The following ATP9A variants were observed in gnomAD, a reference collection of about 807,000 sequenced individuals.
The protein encoded by ATP9A is probable phospholipid-transporting ATPase IIA.
In ATP9A, 52 loss-of-function variants were observed where a neutral mutation model predicts 144.1. The observed-to-expected ratio is 0.36, with a 90% confidence interval of 0.29 to 0.45. The LOEUF (loss-of-function observed/expected upper bound fraction) is 0.45, where lower values mean the gene tolerates loss of function less well. Ranked by LOEUF, ATP9A falls within the 20% of genes least tolerant of loss-of-function variation. The probability of loss-of-function intolerance (pLI) is 1.00; values close to 1 mark genes in which losing one functional copy is unlikely to be tolerated. For synonymous variants in ATP9A, 582 were observed against 557.4 expected, an observed-to-expected ratio of 1.04 and a Z score of -0.62; for missense variants, 947 against 1,392.7, an observed-to-expected ratio of 0.68 and a Z score of 5.09.
intron 1 of ATP9A, among the ~76,000 whole-genome samples, chr20:51,758,358 C>T (rs1343526156): frequency 1.3e-5 from 2 of 152,174 alleles, no homozygotes; most frequent in East Asian, 1.9e-4. Context: ...CCTGAAGACA[C>T]GTCCCAACCC....
rs11325921 is a variant in ATP9A at position 51,685,017 on chromosome 20, T to TA, written c.799+4046dup. Among the ~76,000 whole-genome samples the TA allele has an allele frequency of 7.2e-3, 1,004 of 139,696 alleles. 18 individuals are homozygous for TA. The highest frequency in any genetic ancestry group is 0.047 in the Admixed American group (621 of 13,346). 91.6% of individuals were successfully genotyped at this position (139,696 alleles called of 152,430 possible). Reference sequence around the variant, plus strand: ...CTGAGCGAGACTCCATCTCCAAAAATAAAAAAAAAAAAAAAAAAAAAAATA... The same window carrying TA: ...CTGAGCGAGACTCCATCTCCAAAAATAAAAAAAAAAAAAAAAAAAAAAAATA... On this transcript the variant is annotated intron_variant, in intron 9 of 27. Transcript: ENST00000338821.
chr20:51,639,206 A>T, intron 15 of ATP9A, 137 bp downstream of exon 15: 1 of 975,218 alleles, frequency 1.0e-6, no homozygotes, highest in Non-Finnish European at 1.5e-6. Context: ...CTTTCTGCTT[A>T]GGGAATTATA....
At chr20:51,673,858 T>C (rs2077466348) in intron 11 of ATP9A, among the ~76,000 whole-genome samples, 1 of 152,068 alleles carries the variant, frequency 6.6e-6, no homozygotes, top group African/African-American at 2.4e-5. Context: ...AAGACAAGCC[T>C]GGCAAACATG....
At position 51,670,136 on chromosome 20, in the gene ATP9A, G is replaced by C. The variant is rs200370691; in HGVS notation, c.1181-27C>G. 1.9e-6 allele frequency: 3 copies of C among 1,546,126 alleles called. No individual in the cohort carries two copies. In the South Asian group the frequency reaches 3.3e-5, roughly 17 times the overall value. On this transcript the variant is annotated intron_variant, in intron 12 of 27. Coordinates refer to ENST00000338821, the MANE Select transcript of ATP9A (RefSeq NM_006045.3). The stretch of plus-strand genomic sequence containing the variant: ...TAAAACACAAGACAAATGAGTGGCC[G>C]GCCTGTCTCTCAGGATGTTTGTTAT...
intron 11 of ATP9A, 52 bp downstream of exon 11, chr20:51,674,101 T>G: frequency 6.4e-7 from 1 of 1,559,846 alleles, no homozygotes; most frequent in Non-Finnish European, 8.8e-7. Context: ...TTTGAATGAG[T>G]AAAGAGAAGA....
intron 14 of ATP9A, among the ~76,000 whole-genome samples, chr20:51,654,887 G>A (rs2426349): frequency 0.45 from 68,248 of 151,666 alleles, 16,754 homozygotes; most frequent in East Asian, 0.79. Flanking sequence ...GCTGGATCCC[G>A]GGAGTAAGTC....
chr20:51,726,322 A>G (rs1395968812), intron 2 of ATP9A, among the ~76,000 whole-genome samples: 3 of 132,376 alleles, frequency 2.3e-5, no homozygotes, highest in Non-Finnish European at 4.6e-5. Flanking sequence ...TCAAAAAAAA[A>G]AAAAAAAAAA....
intron 19 of ATP9A, among the ~76,000 whole-genome samples, chr20:51,621,082 G>C (rs1378391704): frequency 6.6e-6 from 1 of 150,708 alleles, no homozygotes; most frequent in Non-Finnish European, 1.5e-5. Context: ...AGGAGGCGGA[G>C]GTTGCAGTGA....
At chr20:51,733,736 C>T (rs374348506) in intron 1 of ATP9A, among the ~76,000 whole-genome samples, 23 of 151,332 alleles carry the variant, frequency 1.5e-4, no homozygotes, top group African/African-American at 5.3e-4. Flanking sequence ...TACAGTGGTA[C>T]AATCACAGCT....
intron 13 of ATP9A, among the ~76,000 whole-genome samples, chr20:51,661,707 G>A (rs2077411505): frequency 6.6e-6 from 1 of 151,906 alleles, no homozygotes; most frequent in African/African-American, 2.4e-5. Flanking sequence ...TTTCTGTTAT[G>A]ATAACCCTAA....
At chr20:51,667,147 G>A (rs1452507892) in intron 13 of ATP9A, among the ~76,000 whole-genome samples, 1 of 152,192 alleles carries the variant, frequency 6.6e-6, no homozygotes, top group Non-Finnish European at 1.5e-5. Context: ...TATGAGGTGA[G>A]GTTCACGGTA....
chr20:51,691,546 A>G (rs1308215134), intron 7 of ATP9A, among the ~76,000 whole-genome samples: 1 of 152,238 alleles, frequency 6.6e-6, no homozygotes, highest in African/African-American at 2.4e-5. Flanking sequence ...AAGAGCTGAA[A>G]AAAGTAAGAA....
intron 3 of ATP9A, among the ~76,000 whole-genome samples, chr20:51,721,104 AG>A (rs1162570568): frequency 6.6e-6 from 1 of 152,196 alleles, no homozygotes; most frequent in Non-Finnish European, 1.5e-5. Context: ...TCCTCTTCTC[AG>A]GGCAAGAGCT....
Position 51,674,372 on chromosome 20 carries a change from T to C in ATP9A, c.877-59A>G. 5 of 1,574,826 alleles carry C rather than the reference T, an allele frequency of 3.2e-6. No homozygotes were observed. In the Admixed American group the frequency reaches 6.9e-5, roughly 22 times the overall value. ...GAGCTGGTGTAACTAATCTCAAACCTAAACCAGGAGGTGGAGGCTGCAGTG... is the reference window on the plus strand; with the variant it reads ...GAGCTGGTGTAACTAATCTCAAACCCAAACCAGGAGGTGGAGGCTGCAGTG... On this transcript the variant is annotated intron_variant, in intron 10 of 27. Coordinates refer to ENST00000338821, the MANE Select transcript of ATP9A (RefSeq NM_006045.3).
chr20:51,664,445 A>G (rs1329112642), intron 13 of ATP9A, among the ~76,000 whole-genome samples: 1 of 151,852 alleles, frequency 6.6e-6, no homozygotes, highest in Non-Finnish European at 1.5e-5. Context: ...AAAATTAGCC[A>G]GGTATGGTGA....
chr20:51,720,823 G>A (rs1170283869), intron 3 of ATP9A, among the ~76,000 whole-genome samples: 15 of 152,178 alleles, frequency 9.9e-5, no homozygotes, highest in Admixed American at 7.2e-4. Flanking sequence ...GACACAGCGA[G>A]ACTCTGTCTC....
chr20:51,755,385 A>C (rs1428158680), intron 1 of ATP9A, among the ~76,000 whole-genome samples: 3 of 152,030 alleles, frequency 2.0e-5, no homozygotes, highest in Non-Finnish European at 4.4e-5. Flanking sequence ...CAGGGAGCCA[A>C]GAACGCGCCT....
intron 1 of ATP9A, among the ~76,000 whole-genome samples, chr20:51,750,974 G>T (rs965355834): frequency 9.2e-5 from 14 of 151,972 alleles, no homozygotes; most frequent in African/African-American, 3.4e-4. Context: ...CACACATTGG[G>T]GTCTAAGAGC....
At chr20:51,726,664 G>T (rs994052275) in intron 2 of ATP9A, among the ~76,000 whole-genome samples, 2 of 151,908 alleles carry the variant, frequency 1.3e-5, no homozygotes, top group Non-Finnish European at 2.9e-5. Flanking sequence ...CTGCAGCCTC[G>T]AATTCCTGGG....
Sources: gnomAD v4.1 joint callset for allele counts (sites outside exome capture counted in the v4.1 genomes callset) on GRCh38, gnomAD v4.1.1 for gene constraint, MANE v1.5 for transcripts, NCBI Gene and HGNC (gene_info 2026-07-23, HGNC 2026-07-21) for gene names.